NBAS: variants seen among roughly 807,000 people sequenced by gnomAD.
NBAS encodes NBAS subunit of NRZ tethering complex, also known as NAG/BC035112 fusion.
In NBAS, 219 loss-of-function variants were observed where a neutral mutation model predicts 302.5. That is an observed-to-expected ratio of 0.72 (90% CI 0.65 to 0.81). The LOEUF is 0.81. Ranked by LOEUF, NBAS falls within the 30% of genes least tolerant of loss-of-function variation. NBAS has a pLI of 0.00. For synonymous variants in NBAS, 1,118 were observed against 1,021.6 expected (o/e 1.09, Z -1.80); for missense variants, 2,932 against 2,841.6 (o/e 1.03, Z -0.72).
chr2:15,489,146 G>T, intron 11 of NBAS, 124 bp from the exon 12 acceptor site: 1 of 1,085,224 alleles, frequency 9.2e-7, no homozygotes, highest in Non-Finnish European at 1.4e-6. Flanking sequence ...AGTTCTGCCA[G>T]CTTCCTATCA....
At chr2:15,421,976 C>A (rs555370454) in intron 23 of NBAS, among the ~76,000 whole-genome samples, 17 of 152,176 alleles carry the variant, frequency 1.1e-4, no homozygotes, top group Non-Finnish European at 2.2e-4. Context: ...ACATCATCAT[C>A]CCCCAAAGTC....
chr2:15,326,951 C>G (rs1672097916), intron 38 of NBAS, among the ~76,000 whole-genome samples: 1 of 152,084 alleles, frequency 6.6e-6, no homozygotes, highest in African/African-American at 2.4e-5. Flanking sequence ...GTTCTATTCC[C>G]TGTATGCATT....
At chr2:15,013,438 C>T in the NBAS span, among the ~76,000 whole-genome samples, 1 of 152,048 alleles carries the variant, frequency 6.6e-6, no homozygotes, top group African/African-American at 2.4e-5. Context: ...TGAGTCCTCC[C>T]TTAATAGTAA....
At chr2:14,922,002 C>G in the NBAS span, among the ~76,000 whole-genome samples, 1 of 152,112 alleles carries the variant, frequency 6.6e-6, no homozygotes, top group African/African-American at 2.4e-5. Flanking sequence ...TGCCAGGAAC[C>G]CAAGGAGGCA....
chr2:14,920,147 T>C, the NBAS span, among the ~76,000 whole-genome samples: 4 of 152,312 alleles, frequency 2.6e-5, no homozygotes, highest in South Asian at 6.2e-4. Context: ...AGAATGGATA[T>C]TGTGGCAGCA....
chr2:14,886,247 T>C, the NBAS span, among the ~76,000 whole-genome samples: 1 of 152,136 alleles, frequency 6.6e-6, no homozygotes, highest in Non-Finnish European at 1.5e-5. Context: ...AGCCCACCAT[T>C]TACTCCATAC....
chr2:15,275,944 A>G, intron 43 of NBAS, 126 bp from the exon 44 acceptor site: 1 of 795,660 alleles, frequency 1.3e-6, no homozygotes, highest in Non-Finnish European at 2.0e-6. Flanking sequence ...AGCTCTAAGT[A>G]GCTAGTTTAT....
intron 38 of NBAS, among the ~76,000 whole-genome samples, chr2:15,313,744 G>A (rs1671381554): frequency 6.6e-6 from 1 of 152,138 alleles, no homozygotes; most frequent in African/African-American, 2.4e-5. Flanking sequence ...ACATCCATGA[G>A]GTCTAATTCC....
chr2:15,319,305 T>A (rs997832373), intron 38 of NBAS, among the ~76,000 whole-genome samples: 4 of 151,998 alleles, frequency 2.6e-5, no homozygotes, highest in African/African-American at 9.7e-5. Flanking sequence ...AGGAAAGATA[T>A]AAAATCGACA....
intron 35 of NBAS, among the ~76,000 whole-genome samples, chr2:15,331,338 C>T (rs1672339873): frequency 1.3e-5 from 2 of 152,182 alleles, no homozygotes; most frequent in South Asian, 2.1e-4. Context: ...TCTCACTCTC[C>T]ATTTACTAAT....
intron 21 of NBAS, among the ~76,000 whole-genome samples, chr2:15,452,544 C>T (rs1679072771): frequency 2.0e-5 from 3 of 150,104 alleles, no homozygotes; most frequent in African/African-American, 4.9e-5. Context: ...GCCGAGATCG[C>T]GCCACTGCAC....
At chr2:14,985,603 C>G in the NBAS span, among the ~76,000 whole-genome samples, 1 of 152,124 alleles carries the variant, frequency 6.6e-6, no homozygotes, top group Non-Finnish European at 1.5e-5. Flanking sequence ...GAAGCAATAA[C>G]TGCTGTTTCA....
the NBAS span, among the ~76,000 whole-genome samples, chr2:14,834,926 A>G: frequency 1.3e-5 from 2 of 152,100 alleles, 1 homozygote; most frequent in Non-Finnish European, 2.9e-5. Flanking sequence ...CAAATAGTAG[A>G]GAGGAGAGAA....
chr2:15,535,162 T>TG (rs1040719666), intron 8 of NBAS, among the ~76,000 whole-genome samples: 3 of 152,180 alleles, frequency 2.0e-5, no homozygotes, highest in African/African-American at 7.2e-5. Flanking sequence ...TAGGCATCCC[T>TG]GGGGAACTGG....
the NBAS span, among the ~76,000 whole-genome samples, chr2:15,034,883 T>C: frequency 1.3e-5 from 2 of 152,134 alleles, no homozygotes; most frequent in African/African-American, 4.8e-5. Flanking sequence ...CCTGTATGTG[T>C]CCATAGACAC....
At chr2:15,171,089 ACT>A (rs1664270239) in intron 51 of NBAS, among the ~76,000 whole-genome samples, 1 of 152,124 alleles carries the variant, frequency 6.6e-6, no homozygotes. Flanking sequence ...GAAGCTTGGT[ACT>A]CTCTGACCAT....
chr2:15,102,773 C>T, the NBAS span, among the ~76,000 whole-genome samples: 1 of 152,140 alleles, frequency 6.6e-6, no homozygotes, highest in Admixed American at 6.5e-5. Flanking sequence ...TACACTGTCA[C>T]CTAGAAAACT....
At chr2:15,212,698 T>G (rs956557726) in intron 48 of NBAS, among the ~76,000 whole-genome samples, 1 of 152,194 alleles carries the variant, frequency 6.6e-6, no homozygotes, top group African/African-American at 2.4e-5. Context: ...CCCTATGCTA[T>G]TCTCGTGATA....
chr2:14,858,623 C>A, the NBAS span, among the ~76,000 whole-genome samples: 1 of 140,038 alleles, frequency 7.1e-6, no homozygotes, highest in Non-Finnish European at 1.5e-5. Flanking sequence ...AATAATTGAA[C>A]TCATGGAGAT....
Sources: gnomAD v4.1 joint callset for allele counts (sites outside exome capture counted in the v4.1 genomes callset) on GRCh38, gnomAD v4.1.1 for gene constraint, MANE v1.5 for transcripts, NCBI Gene and HGNC (gene_info 2026-07-23, HGNC 2026-07-21) for gene names.